FAM107A: variants seen among roughly 807,000 people sequenced by gnomAD.
The protein encoded by FAM107A is actin-associated protein FAM107A.
A neutral mutation model predicts 13.7 loss-of-function variants in FAM107A; 19 were observed. The ratio of observed to expected loss-of-function variants is 1.38; its 90% CI spans 0.97 to 2.03. FAM107A has a LOEUF of 2.03. Among genes scored for constraint, FAM107A ranks in the 30% most tolerant of loss-of-function variants. The pLI, the probability that FAM107A is intolerant of heterozygous loss-of-function variation, is 0.00. For missense variants in FAM107A, 203 were observed against 184.4 expected (o/e 1.10, Z -0.58); for synonymous variants, 82 against 74.5 (o/e 1.10, Z -0.52).
intron 1 of FAM107A, among the ~76,000 whole-genome samples, chr3:58,602,674 T>C (rs779234182): frequency 9.2e-5 from 14 of 152,244 alleles, no homozygotes; most frequent in Non-Finnish European, 2.1e-4. Context: ...ACTATCTATT[T>C]AGAAAAATTA....
intron 1 of FAM107A, among the ~76,000 whole-genome samples, chr3:58,622,711 G>C (rs1463354785): frequency 6.6e-6 from 1 of 152,186 alleles, no homozygotes; most frequent in East Asian, 1.9e-4. Context: ...GTGAGAAAAG[G>C]TGGAGAGGCT....
intron 1 of FAM107A, among the ~76,000 whole-genome samples, chr3:58,600,996 C>G (rs867626687): frequency 1.3e-5 from 2 of 152,138 alleles, no homozygotes; most frequent in Admixed American, 6.5e-5. Context: ...ACTCAGGTTC[C>G]TCGTGTATAA....
Position 58,569,616 on chromosome 3 carries a change from C to T in FAM107A, c.170+75G>A, listed in dbSNP as rs7632668. On this transcript the variant is annotated intron_variant, in intron 2 of 3. Coordinates refer to ENST00000360997, the MANE Select transcript of FAM107A (RefSeq NM_001076778.3). This position sits in a 1 kb window ranked among gnomAD's most constrained non-coding sequence, Gnocchi z 5.7. ...CCAGGATGAAAGCCAGCTCTGCTTTCCTCCAGGGTCACCTTCCCCATCCCC... is the reference window on the plus strand; with the variant it reads ...CCAGGATGAAAGCCAGCTCTGCTTTTCTCCAGGGTCACCTTCCCCATCCCC... The T allele has an allele frequency of 0.39, 503,286 of 1,294,130 alleles. 104,416 individuals carry two copies. Among genetic ancestry groups the T allele is most frequent in the East Asian group, 0.76 (32,250 of 42,356 alleles). 80.2% of individuals were successfully genotyped at this position (1,294,130 alleles called of 1,614,324 possible).
chr3:58,620,830 ATAAAAGCCCCAT>A (rs1194996322), intron 1 of FAM107A, among the ~76,000 whole-genome samples: 1 of 152,216 alleles, frequency 6.6e-6, no homozygotes, highest in Admixed American at 6.5e-5. Context: ...ACAGATGGAA[ATAAAAGCCCCAT>A]TAGGAGGCCT....
At chr3:58,611,383 C>G (rs1042626889) in intron 1 of FAM107A, among the ~76,000 whole-genome samples, 9 of 152,322 alleles carry the variant, frequency 5.9e-5, no homozygotes, top group African/African-American at 2.2e-4. Flanking sequence ...TCATTATGAA[C>G]AGGTGGGGGT....
intron 1 of FAM107A, among the ~76,000 whole-genome samples, chr3:58,614,949 G>T (rs2065887844): frequency 6.6e-6 from 1 of 152,084 alleles, no homozygotes; most frequent in African/African-American, 2.4e-5. Flanking sequence ...GGGATTACAG[G>T]TGCACACTAC....
At chr3:58,566,763 G>A (rs1428387407) in intron 3 of FAM107A, 68 bp from the exon 4 acceptor site, 2 of 1,325,402 alleles carry the variant, frequency 1.5e-6, no homozygotes, top group African/African-American at 1.4e-5. Context: ...AAAACCTGTG[G>A]AGTTTGGACC....
chr3:58,617,581 T>A lies in FAM107A; in HGVS notation c.-70+9835A>T, dbSNP rs1180719282. 6.6e-6 allele frequency among the ~76,000 whole-genome samples: 1 copy of A among 152,122 alleles called. No individual in the cohort carries two copies. Among genetic ancestry groups the A allele is most frequent in the Admixed American group, 6.5e-5 (1 of 15,272 alleles). On this transcript the variant is annotated intron_variant, in intron 1 of 3. Coordinates refer to the FAM107A transcript ENST00000465970. This position sits in a 1 kb window ranked among gnomAD's most constrained non-coding sequence, Gnocchi z 4.5. The stretch of plus-strand genomic sequence containing the variant: ...ACACAAAGCCCCTTGTTTATGTTAG[T>A]TTGGGAGACACAGTGTTCTGAAAGC...
At chr3:58,608,064 A>C (rs1452157667) in intron 1 of FAM107A, 4 of 152,214 alleles carry the variant, frequency 2.6e-5, no homozygotes, top group Non-Finnish European at 5.9e-5. Flanking sequence ...ACTTTGAAGA[A>C]TGAAAGACTT....
upstream of FAM107A, among the ~76,000 whole-genome samples, chr3:58,580,573 C>A (rs1036986143): frequency 6.6e-6 from 1 of 151,850 alleles, no homozygotes; most frequent in African/African-American, 2.4e-5. Flanking sequence ...TGCCACCACA[C>A]CCAGCTAATT....
rs1286523554 is a variant in FAM107A, at chr3:58,604,213, A to G, written c.-69-14944T>C. Reference sequence around the variant, plus strand: ...GTTGCTAGGAGACATTTCTCAAGAAAGGTTCCTTTGGAAAATGAGCTCAGT... The same window carrying G: ...GTTGCTAGGAGACATTTCTCAAGAAGGGTTCCTTTGGAAAATGAGCTCAGT... On this transcript the variant is annotated intron_variant, in intron 1 of 3. Coordinates refer to the FAM107A transcript ENST00000465970. The surrounding 1 kb of genome is among the most constrained non-coding windows in gnomAD (Gnocchi z 4.1). Among the ~76,000 whole-genome samples, 1 of 152,024 alleles carries G rather than the reference A, an allele frequency of 6.6e-6. No homozygotes were observed. The highest frequency in any genetic ancestry group is 1.5e-5 in the Non-Finnish European group (1 of 67,996).
At position 58,566,471 on chromosome 3, in the gene FAM107A, G is replaced by T; in HGVS notation, c.*117C>A. 2 of 740,218 alleles carry T rather than the reference G, an allele frequency of 2.7e-6. No individual in the cohort carries two copies. Among genetic ancestry groups the T allele is most frequent in the Non-Finnish European group, 4.6e-6 (2 of 439,004 alleles). The allele number at this position is 740,218 out of a possible 1,614,324, so 45.9% of individuals were successfully genotyped here. ...TCTGGGGTGACACATTTCTACAGAA[G>T]CAGGTGGGAACATCACAGACGTCCC... On this transcript the variant is annotated 3_prime_UTR_variant, in exon 4 of 4. Coordinates refer to ENST00000360997, the MANE Select transcript of FAM107A (RefSeq NM_001076778.3).
At chr3:58,597,987 C>T (rs1468154344) in intron 1 of FAM107A, among the ~76,000 whole-genome samples, 2 of 152,168 alleles carry the variant, frequency 1.3e-5, no homozygotes, top group Non-Finnish European at 2.9e-5. Flanking sequence ...ACCCTTCTCC[C>T]TGGAGTCAGC....
intron 1 of FAM107A, among the ~76,000 whole-genome samples, chr3:58,626,315 A>G (rs79330851): frequency 1.2e-4 from 18 of 152,340 alleles, no homozygotes; most frequent in African/African-American, 4.3e-4. Flanking sequence ...GGGTCCGCAG[A>G]GCACATTTCC....
intron 1 of FAM107A, among the ~76,000 whole-genome samples, chr3:58,614,103 G>C (rs1474112481): frequency 6.6e-6 from 1 of 152,254 alleles, no homozygotes; most frequent in Non-Finnish European, 1.5e-5. Flanking sequence ...AGGAAAGAGA[G>C]CCCGTAGCCA....
chr3:58,619,756 C>T (rs935992072), intron 1 of FAM107A, among the ~76,000 whole-genome samples: 10 of 152,352 alleles, frequency 6.6e-5, no homozygotes, highest in African/African-American at 2.4e-4. Flanking sequence ...GTGCCTGGGT[C>T]CCTATGCCCA....
At chr3:58,625,410 C>G (rs1200743806) in intron 1 of FAM107A, among the ~76,000 whole-genome samples, 1 of 152,188 alleles carries the variant, frequency 6.6e-6, no homozygotes, top group Non-Finnish European at 1.5e-5. Flanking sequence ...TAAGAGATCA[C>G]CAATCATGGA....
chr3:58,577,423 C>T (rs903609178), upstream of FAM107A: 18 of 985,180 alleles, frequency 1.8e-5, no homozygotes, highest in Non-Finnish European at 2.2e-5. The surrounding 1 kb of genome is among the most constrained non-coding windows in gnomAD (Gnocchi z 4.9). Flanking sequence ...GTTCTTAAAC[C>T]CCTGGGAACG....
upstream of FAM107A, among the ~76,000 whole-genome samples, chr3:58,590,894 C>G (rs1294332230): frequency 6.6e-6 from 1 of 152,196 alleles, no homozygotes; most frequent in Non-Finnish European, 1.5e-5. Flanking sequence ...AAGCGTAACT[C>G]AGACCCTGAT....
Sources: gnomAD v4.1 joint callset for allele counts (sites outside exome capture counted in the v4.1 genomes callset) on GRCh38, gnomAD v4.1.1 for gene constraint, Gnocchi (gnomAD v3.1) non-coding constraint, MANE v1.5 for transcripts, NCBI Gene and HGNC (gene_info 2026-07-23, HGNC 2026-07-21) for gene names.